SPDYA: variants seen among roughly 807,000 people sequenced by gnomAD.
SPDYA encodes speedy/RINGO cell cycle regulator family member A, also known as speedy protein A.
Under a neutral mutation model 36.7 loss-of-function variants are expected in SPDYA, and 11 were observed. The ratio of observed to expected loss-of-function variants is 0.30; its 90% CI spans 0.19 to 0.50. The LOEUF (loss-of-function observed/expected upper bound fraction) is 0.50. Ranked by LOEUF, SPDYA falls within the 20% of genes least tolerant of loss-of-function variation. The probability of loss-of-function intolerance (pLI) is 0.98; values close to 1 mark genes in which losing one functional copy is unlikely to be tolerated. For synonymous variants in SPDYA, 115 were observed against 118.7 expected (o/e 0.97, Z 0.20); for missense variants, 287 against 370.9 (o/e 0.77, Z 1.86).
chr2:28,813,206 A>G (rs1667896708), intron 1 of SPDYA, among the ~76,000 whole-genome samples: 1 of 152,202 alleles, frequency 6.6e-6, no homozygotes, highest in Non-Finnish European at 1.5e-5. Context: ...GTTTTCTGAA[A>G]TTGTATGGGA....
At chr2:28,818,456 AAAAAAG>A (rs1558321564) in intron 3 of SPDYA, among the ~76,000 whole-genome samples, 3 of 149,892 alleles carry the variant, frequency 2.0e-5, no homozygotes, top group Non-Finnish European at 3.0e-5. Context: ...AAAAAAAAAA[AAAAAAG>A]AGAAAGAGAG....
At chr2:28,831,301 T>G (rs978949835) in intron 6 of SPDYA, among the ~76,000 whole-genome samples, 1 of 152,128 alleles carries the variant, frequency 6.6e-6, no homozygotes, top group Non-Finnish European at 1.5e-5. Flanking sequence ...CAGGCTGCAG[T>G]GAGCCATGAT....
In SPDYA at chr2:28,845,863, G is replaced by A. The variant is rs113056354; in HGVS notation, c.851-3987G>A. Reference sequence around the variant, plus strand: ...CCCGACCTGTCTGCTCATTTTCTACGATTAATCACCTTATATATGTATTAC... The same window carrying A: ...CCCGACCTGTCTGCTCATTTTCTACAATTAATCACCTTATATATGTATTAC... On this transcript the variant is annotated intron_variant, in intron 7 of 7. Coordinates refer to ENST00000334056, the MANE Select transcript of SPDYA (RefSeq NM_182756.4). Among the ~76,000 whole-genome samples, 709 of 152,084 alleles carry A rather than the reference G, an allele frequency of 4.7e-3. 6 individuals carry two copies. Among genetic ancestry groups the A allele is most frequent in the African/African-American group, 0.016 (672 of 41,516 alleles).
At chr2:28,826,362 C>T (rs769639497) in intron 5 of SPDYA, among the ~76,000 whole-genome samples, 40 of 152,100 alleles carry the variant, frequency 2.6e-4, no homozygotes, top group Non-Finnish European at 1.9e-4. Flanking sequence ...GCCTCAAACT[C>T]CTGACCTCAG....
At position 28,829,235 on chromosome 2, in the gene SPDYA, G is replaced by C. The variant is rs1199186036; in HGVS notation, c.468G>C (p.Leu156Phe). Residue 156 changes from leucine to phenylalanine, a missense_variant, in exon 6 of 8, where the codon TTG becomes TTC. Physicochemically the swap from Leu to Phe is conservative, Grantham distance 22. Coordinates refer to ENST00000334056, the MANE Select transcript of SPDYA (RefSeq NM_182756.4). Reference sequence around the variant, plus strand: ...CTTTAGGGAAAAACTGGAGAAAATTGTTCCCTAATTTCTTAAAGTTAAGGG... The same window carrying C: ...CTTTAGGGAAAAACTGGAGAAAATTCTTCCCTAATTTCTTAAAGTTAAGGG... ...PWALGKNWRK[L>F]FPNFLKLRDQ... The C allele has an allele frequency of 5.6e-6, 9 of 1,613,832 alleles. No homozygotes were observed. Among genetic ancestry groups the C allele is most frequent in the Non-Finnish European group, 5.1e-6 (6 of 1,179,962 alleles).
intron 3 of SPDYA, among the ~76,000 whole-genome samples, chr2:28,817,851 CAAAAAAA>C (rs70956049): frequency 3.3e-5 from 1 of 30,666 alleles, no homozygotes; most frequent in African/African-American, 1.6e-4. Flanking sequence ...GACTCTGTCT[CAAAAAAA>C]AAAAAAAAAA....
chr2:28,828,019 C>T (rs967596330), intron 5 of SPDYA, among the ~76,000 whole-genome samples: 2 of 151,222 alleles, frequency 1.3e-5, no homozygotes, highest in Non-Finnish European at 2.9e-5. Context: ...AGAGTCTCCC[C>T]GTCACCCAGG....
chr2:28,823,912 A>AT (rs1300400251), intron 5 of SPDYA, among the ~76,000 whole-genome samples: 1 of 147,604 alleles, frequency 6.8e-6, no homozygotes, highest in Non-Finnish European at 1.5e-5. Context: ...CGCCCAACTA[A>AT]TTTTTTGTGT....
rs1476760471 is a variant in SPDYA at position 28,811,465 on chromosome 2, T to C, written c.-93+518T>C. Among the ~76,000 whole-genome samples the C allele has an allele frequency of 6.6e-6, 1 of 152,186 alleles. No homozygotes were observed. Among genetic ancestry groups the C allele is most frequent in the East Asian group, 1.9e-4 (1 of 5,194 alleles). On this transcript the variant is annotated intron_variant, in intron 1 of 7. Coordinates refer to ENST00000334056, the MANE Select transcript of SPDYA (RefSeq NM_182756.4). The surrounding 1 kb of genome is among the most constrained non-coding windows in gnomAD (Gnocchi z 4.2). Reference sequence around the variant, plus strand: ...TCGTCTGCCCCAGAATTTTGAGATCTGAGCTGCTGTGTCTCAGTACCAGGC... The same window carrying C: ...TCGTCTGCCCCAGAATTTTGAGATCCGAGCTGCTGTGTCTCAGTACCAGGC...
At chr2:28,821,007 C>T (rs776481794) in intron 4 of SPDYA, among the ~76,000 whole-genome samples, 1 of 152,014 alleles carries the variant, frequency 6.6e-6, no homozygotes, top group Non-Finnish European at 1.5e-5. Flanking sequence ...TCACCAAAAA[C>T]GATTATTTTG....
At chr2:28,813,825 T>C (rs1667915973) in intron 1 of SPDYA, among the ~76,000 whole-genome samples, 1 of 152,188 alleles carries the variant, frequency 6.6e-6, no homozygotes, top group Non-Finnish European at 1.5e-5. Flanking sequence ...GTGCTGGGAT[T>C]ACAGGCATGA....
intron 4 of SPDYA, among the ~76,000 whole-genome samples, chr2:28,820,848 G>A (rs1426723278): frequency 1.3e-5 from 2 of 152,034 alleles, no homozygotes; most frequent in Admixed American, 6.6e-5. Flanking sequence ...TACACTAGAA[G>A]AAGGTTTATA....
chr2:28,814,827 T>G (rs985571334), intron 2 of SPDYA, 141 bp downstream of exon 2: 2 of 152,188 alleles, frequency 1.3e-5, no homozygotes, highest in African/African-American at 4.8e-5. Context: ...CTAAGTGTAG[T>G]AATTATGTGA....
intron 7 of SPDYA, among the ~76,000 whole-genome samples, chr2:28,844,783 A>T (rs1228861632): frequency 6.6e-6 from 1 of 151,692 alleles, no homozygotes; most frequent in Non-Finnish European, 1.5e-5. Flanking sequence ...AAAATACAAA[A>T]TTTAGCTGGG....
Position 28,850,480 on chromosome 2 carries a change from G to T in SPDYA, c.*539G>T. On this transcript the variant is annotated 3_prime_UTR_variant, in exon 8 of 8. Coordinates refer to ENST00000334056, the MANE Select transcript of SPDYA (RefSeq NM_182756.4). Reference sequence around the variant, plus strand: ...TTTTTTCACAAAACTGTTAAAATATGAGTTACTCTCTTTATTGTAAGTTTT... The same window carrying T: ...TTTTTTCACAAAACTGTTAAAATATTAGTTACTCTCTTTATTGTAAGTTTT... 2 of 971,520 alleles carry T rather than the reference G, an allele frequency of 2.1e-6. No individual in the cohort carries two copies. The highest frequency in any genetic ancestry group is 1.5e-6 in the Non-Finnish European group (1 of 646,912). 60.2% of individuals were successfully genotyped at this position (971,520 alleles called of 1,614,324 possible).
intron 7 of SPDYA, among the ~76,000 whole-genome samples, chr2:28,841,756 C>T (rs1344346295): frequency 6.6e-6 from 1 of 152,124 alleles, no homozygotes; most frequent in African/African-American, 2.4e-5. Flanking sequence ...ACAGTATAGT[C>T]TCTTCCTTTT....
chr2:28,847,067 G>A lies in SPDYA; in HGVS notation c.851-2783G>A, dbSNP rs151306191. On this transcript the variant is annotated intron_variant, in intron 7 of 7. Coordinates refer to ENST00000334056, the MANE Select transcript of SPDYA (RefSeq NM_182756.4). ...AATTAAAAAATGGACTTCAGGCCAC[G>A]TGCAGTGGCTCATTCCTGTAATCCC... Among the ~76,000 whole-genome samples, 270 of 152,334 alleles carry A rather than the reference G, an allele frequency of 1.8e-3. 1 individual carries two copies. Among genetic ancestry groups the A allele is most frequent in the Non-Finnish European group, 2.4e-3 (160 of 68,030 alleles).
At chr2:28,833,773 A>T (rs900545301) in intron 6 of SPDYA, among the ~76,000 whole-genome samples, 6 of 152,200 alleles carry the variant, frequency 3.9e-5, no homozygotes, top group African/African-American at 1.4e-4. Flanking sequence ...TCTTAGAAGA[A>T]AACATAGGGG....
intron 4 of SPDYA, among the ~76,000 whole-genome samples, chr2:28,819,820 TAA>T (rs1174507151): frequency 8.7e-4 from 15 of 17,216 alleles, no homozygotes; most frequent in East Asian, 3.0e-3. Flanking sequence ...CCTGGTCTCT[TAA>T]AAAAAAAAAA....
Sources: allele counts gnomAD v4.1 joint callset (sites outside exome capture counted in the v4.1 genomes callset), GRCh38; gene constraint gnomAD v4.1.1; non-coding constraint Gnocchi (gnomAD v3.1); transcripts MANE v1.5; gene names NCBI Gene and HGNC (gene_info 2026-07-23, HGNC 2026-07-21).